The following THAP3 variants were observed in gnomAD, a reference collection of about 807,000 sequenced individuals.
The protein encoded by THAP3 is THAP domain-containing protein 3.
THAP3 carries 12 observed loss-of-function variants against 17.7 expected under a neutral mutation model. That is an observed-to-expected ratio of 0.68 (90% confidence interval 0.43 to 1.10). The LOEUF is 1.10. THAP3 is among the 50% of genes least tolerant of loss of function. THAP3 has a pLI of 0.00. For synonymous variants in THAP3, 133 were observed against 126.9 expected, an observed-to-expected ratio of 1.05 and a Z score of -0.32; for missense variants, 289 against 318.0, an observed-to-expected ratio of 0.91 and a Z score of 0.69.
At chr1:6,626,706 C>T (rs1462553446) in intron 2 of THAP3, among the ~76,000 whole-genome samples, 2 of 152,154 alleles carry the variant, frequency 1.3e-5, no homozygotes, top group Non-Finnish European at 1.5e-5. Flanking sequence ...ATTACCCGGG[C>T]GTGGTAGCGC....
downstream of THAP3, chr1:6,634,271 C>T (rs929025869): frequency 2.5e-5 from 21 of 854,216 alleles, no homozygotes; most frequent in Admixed American, 8.7e-5. Flanking sequence ...CAGAGGCGCA[C>T]GGGAAGCCCG....
At position 6,628,666 on chromosome 1, in the gene THAP3, T is replaced by C; in HGVS notation, c.242T>C (p.Val81Ala). Reference protein sequence around the residue: ...KNLKHNAVPTVFAFQDPTQQV... With the variant: ...KNLKHNAVPTAFAFQDPTQQV... ...CTAAAGCACAATGCCGTGCCCACGG[T>C]GTTCGCCTTTCAGGACCCCACACAG... The change falls in exon 3 of 6, where the codon GTG becomes GCG. Residue 81 changes from valine (V) to alanine (A), a missense_variant. Physicochemically the swap from Val to Ala is moderately conservative, Grantham distance 64. Coordinates refer to ENST00000054650, the MANE Select transcript of THAP3 (RefSeq NM_001195753.2). The C allele has an allele frequency of 6.2e-7, 1 of 1,613,344 alleles. No individual in the cohort carries two copies. Among genetic ancestry groups the C allele is most frequent in the East Asian group, 2.2e-5 (1 of 44,878 alleles).
intron 2 of THAP3, 65 bp downstream of exon 2, chr1:6,625,357 C>T: frequency 7.0e-7 from 1 of 1,421,746 alleles, no homozygotes; most frequent in African/African-American, 1.5e-5. Flanking sequence ...GACTCCGAGG[C>T]CTTGGCGCGC....
chr1:6,625,040 G>C (rs1343805334), intron 1 of THAP3, 86 bp downstream of exon 1: 1 of 640,144 alleles, frequency 1.6e-6, no homozygotes, highest in African/African-American at 2.0e-5. Context: ...GGCGCCCCGG[G>C]TCCCGTCCGA....
chr1:6,633,765 C>T (rs1641694529), downstream of THAP3, among the ~76,000 whole-genome samples: 1 of 152,152 alleles, frequency 6.6e-6, no homozygotes, highest in African/African-American at 2.4e-5. Context: ...CACAAATTAG[C>T]CAGGCGTGGT....
rs896128419 is a variant in THAP3, at chr1:6,628,598, C to G, written c.174C>G (p.His58Gln). ...PKQHTVICSE[H>Q]FRPECFSAFG... is the part of the protein sequence containing the mutation. ...AGCACACGGTCATCTGCTCCGAGCACTTCCGGCCAGAGTGCTTCAGCGCCT... is the reference window on the plus strand; with the variant it reads ...AGCACACGGTCATCTGCTCCGAGCAGTTCCGGCCAGAGTGCTTCAGCGCCT... Residue 58 changes from histidine (H) to glutamine (Q), a missense_variant, in exon 3 of 6, where the codon CAC becomes CAG. Coordinates refer to ENST00000054650, the MANE Select transcript of THAP3 (RefSeq NM_001195753.2). 2 of 1,613,784 alleles carry G rather than the reference C, an allele frequency of 1.2e-6. No homozygotes were observed. The highest frequency in any genetic ancestry group is 1.7e-6 in the Non-Finnish European group (2 of 1,180,032).
intron 4 of THAP3, among the ~76,000 whole-genome samples, chr1:6,630,690 C>A (rs1256359524): frequency 1.3e-5 from 2 of 152,122 alleles, no homozygotes; most frequent in East Asian, 3.9e-4. Context: ...CTTGCCTCAG[C>A]CTCCCGAGTA....
chr1:6,633,332 CAGGCTG>C lies in THAP3; in HGVS notation c.*263_*268del. 1 of 1,374,282 alleles carries C rather than the reference CAGGCTG, an allele frequency of 7.3e-7. No homozygotes were observed. Among genetic ancestry groups the C allele is most frequent in the East Asian group, 2.8e-5 (1 of 35,116 alleles). 85.1% of individuals were successfully genotyped at this position (1,374,282 alleles called of 1,614,324 possible). A position where few individuals can be genotyped will look rare whatever the true frequency, so the allele number is the denominator to read the frequency against. The stretch of plus-strand genomic sequence containing the variant: ...TTATCCTCCCATGGTAACAGAAGTC[CAGGCTG>C]AGGCTGATTCTGGACGCTGTCCTTT... On this transcript the variant is annotated 3_prime_UTR_variant, in exon 6 of 6. Coordinates refer to ENST00000054650, the MANE Select transcript of THAP3 (RefSeq NM_001195753.2).
At chr1:6,635,485 C>T, downstream of THAP3, 1 of 607,518 alleles carries the variant, frequency 1.6e-6, no homozygotes, top group Admixed American at 3.0e-5. Flanking sequence ...GGGGCTGCCT[C>T]AGTCCTACCC....
chr1:6,632,003 T>G (rs1641627213), intron 4 of THAP3, among the ~76,000 whole-genome samples: 1 of 143,730 alleles, frequency 7.0e-6, no homozygotes. Context: ...GCCGAGATCA[T>G]GCCACTGCAC....
Position 6,633,481 on chromosome 1 carries a change from T to C in THAP3, c.*404T>C. 1.8e-6 allele frequency: 2 copies of C among 1,131,908 alleles called. No homozygotes were observed. Among genetic ancestry groups the C allele is most frequent in the South Asian group, 2.3e-5 (1 of 43,518 alleles). The allele number at this position is 1,131,908 out of a possible 1,614,324, so 70.1% of individuals were successfully genotyped here. The stretch of plus-strand genomic sequence containing the variant: ...TGAGTGGTCCCCTCCTCCATCAGCC[T>C]GGACAGCCGCTCGGGGTTCTAAGGA... On this transcript the variant is annotated 3_prime_UTR_variant, in exon 6 of 6. Transcript: ENST00000054650.
downstream of THAP3, chr1:6,634,087 G>C: frequency 6.2e-7 from 1 of 1,613,540 alleles, no homozygotes; most frequent in Non-Finnish European, 8.5e-7. Flanking sequence ...AGTGAGGAGT[G>C]AAGGATGGGG....
rs757393803 is a variant in THAP3 at position 6,632,496 on chromosome 1, G to A, written c.438+1G>A. The A allele has an allele frequency of 1.2e-6, 2 of 1,614,016 alleles. No homozygotes were observed. ...AAATGCCGAAGGCCACGTAAAACAG[G>A]TAAGACTGAGTGCAAAGGTGGTCTG... On this transcript the variant is annotated splice_donor_variant, in intron 5 of 5. Coordinates refer to ENST00000054650, the MANE Select transcript of THAP3 (RefSeq NM_001195753.2). LOFTEE classifies it high-confidence loss of function.
intron 2 of THAP3, among the ~76,000 whole-genome samples, 185 bp downstream of exon 2, chr1:6,625,477 G>A (rs569134637): frequency 6.6e-6 from 1 of 151,608 alleles, no homozygotes. Context: ...GGGGAGTGGC[G>A]GACGGAGGGG....
intron 5 of THAP3, 77 bp from the exon 6 acceptor site, chr1:6,632,719 G>GT: frequency 6.4e-7 from 1 of 1,566,024 alleles, no homozygotes; most frequent in Non-Finnish European, 8.7e-7. Flanking sequence ...TGCTGTGTGC[G>GT]TGTCTGGTGG....
downstream of THAP3, chr1:6,633,629 C>T (rs1392318983): frequency 5.7e-6 from 6 of 1,058,612 alleles, no homozygotes; most frequent in Non-Finnish European, 6.9e-6. Context: ...ACTTCCGTGG[C>T]CGGGCGCAGT....
chr1:6,633,018 C>G lies in THAP3; in HGVS notation c.661C>G (p.Arg221Gly). 6.2e-7 allele frequency: 1 copy of G among 1,612,072 alleles called. No homozygotes were observed. The highest frequency in any genetic ancestry group is 8.5e-7 in the Non-Finnish European group (1 of 1,179,584). Residue 221 changes from arginine to glycine, a missense_variant, in exon 6 of 6, where the codon CGT (arginine) becomes GGT (glycine). Physicochemically the swap from Arg to Gly is moderately radical, Grantham distance 125. Transcript: ENST00000054650. ...LVMRRMSSRLRACKGHQGLQA... is the reference protein window; with the variant it reads ...LVMRRMSSRLGACKGHQGLQA... ...GATGCGAAGGATGTCCAGCCGCCTC[C>G]GTGCTTGCAAAGGGCACCAGGGACT...
chr1:6,630,231 G>GC, intron 3 of THAP3, 57 bp from the exon 4 acceptor site: 2 of 1,511,794 alleles, frequency 1.3e-6, no homozygotes, highest in Non-Finnish European at 1.8e-6. Context: ...CCCGAGGCCT[G>GC]CCCCGAGCTC....
chr1:6,625,319 G>A, intron 2 of THAP3, 27 bp downstream of exon 2: 1 of 1,522,278 alleles, frequency 6.6e-7, no homozygotes, highest in Non-Finnish European at 8.8e-7. Flanking sequence ...CGGGGGCGCG[G>A]GAGGCCCAGA....
Sources: allele counts gnomAD v4.1 joint callset (sites outside exome capture counted in the v4.1 genomes callset), GRCh38; gene constraint gnomAD v4.1.1; transcripts MANE v1.5; gene names NCBI Gene and HGNC (gene_info 2026-07-23, HGNC 2026-07-21).